The following KIFAP3 variants were observed in gnomAD, a reference collection of about 807,000 sequenced individuals.
The protein encoded by KIFAP3 is kinesin-associated protein 3.
KIFAP3 carries 68 observed loss-of-function variants against 106.5 expected under a neutral mutation model. The observed-to-expected ratio is 0.64, with a 90% confidence interval of 0.53 to 0.78. KIFAP3 has a LOEUF of 0.78. Ranked by LOEUF, KIFAP3 falls within the 30% of genes least tolerant of loss-of-function variation. KIFAP3 has a pLI of 0.00. For synonymous variants in KIFAP3, 320 were observed against 311.5 expected, an observed-to-expected ratio of 1.03 and a Z score of -0.29; for missense variants, 780 against 941.8, an observed-to-expected ratio of 0.83 and a Z score of 2.25.
At chr1:169,935,683 T>G (rs1663752204) in intron 19 of KIFAP3, among the ~76,000 whole-genome samples, 1 of 152,044 alleles carries the variant, frequency 6.6e-6, no homozygotes, top group African/African-American at 2.4e-5. Context: ...AATTCTGCCT[T>G]TCTACTCTAA....
At chr1:169,926,721 A>G (rs1371860004) in intron 19 of KIFAP3, among the ~76,000 whole-genome samples, 1 of 152,068 alleles carries the variant, frequency 6.6e-6, no homozygotes, top group Admixed American at 6.6e-5. Context: ...AATTTTACTT[A>G]TAACTACCAT....
intron 10 of KIFAP3, among the ~76,000 whole-genome samples, chr1:169,996,466 G>C (rs982884744): frequency 2.0e-5 from 3 of 152,126 alleles, no homozygotes; most frequent in Non-Finnish European, 4.4e-5. Flanking sequence ...TGTTCCTATT[G>C]CATGTTCAAC....
rs759749072 is a variant in KIFAP3, at chr1:170,035,501, A to G, written c.570T>C (p.Ser190=). The change falls in exon 6 of 20, where the codon AGT becomes AGC. Residue 190 remains serine (S), a synonymous_variant. Transcript: ENST00000361580. ...AAATTATGTTTGTAGCTAACTCGAC[A>G]CTTTGCTTCCAGTCTTCTCTCAGGA... ...ARVLREDWKQ[S]VELATNIIYI... The G allele has an allele frequency of 5.0e-6, 8 of 1,610,166 alleles. No individual in the cohort carries two copies. Among genetic ancestry groups the G allele is most frequent in the South Asian group, 1.1e-5 (1 of 90,548 alleles).
intron 17 of KIFAP3, among the ~76,000 whole-genome samples, chr1:169,968,383 T>C (rs1047181475): frequency 2.6e-5 from 4 of 152,030 alleles, no homozygotes; most frequent in South Asian, 2.1e-4. Flanking sequence ...TAACACACTA[T>C]AGGATAACAC....
At chr1:170,044,438 A>T (rs949222930) in intron 3 of KIFAP3, among the ~76,000 whole-genome samples, 3 of 152,220 alleles carry the variant, frequency 2.0e-5, no homozygotes, top group African/African-American at 7.2e-5. Flanking sequence ...CTGTGAGCAC[A>T]TCCCAGTGAT....
chr1:169,931,520 T>TA (rs1663477489), intron 19 of KIFAP3, among the ~76,000 whole-genome samples: 1 of 152,202 alleles, frequency 6.6e-6, no homozygotes, highest in Admixed American at 6.5e-5. Context: ...ATCTTTAACT[T>TA]ACATTTCTTC....
At chr1:170,055,515 T>C (rs1670796699) in intron 1 of KIFAP3, 79 bp from the exon 2 acceptor site, 2 of 1,167,396 alleles carry the variant, frequency 1.7e-6, no homozygotes, top group Non-Finnish European at 2.4e-6. Flanking sequence ...TTTAGGTCTA[T>C]AACGTGGGTT....
At chr1:170,054,180 GC>G (rs1557867413) in intron 2 of KIFAP3, among the ~76,000 whole-genome samples, 1 of 152,150 alleles carries the variant, frequency 6.6e-6, no homozygotes, top group African/African-American at 2.4e-5. Context: ...CAAATAGTGG[GC>G]AAAGGATATG....
At chr1:170,007,210 G>A (rs1167055463) in intron 10 of KIFAP3, among the ~76,000 whole-genome samples, 1 of 151,922 alleles carries the variant, frequency 6.6e-6, no homozygotes, top group African/African-American at 2.4e-5. Flanking sequence ...GGTGAAGGGT[G>A]GGAGTGACAG....
chr1:170,059,684 GAT>G (rs1557871742), intron 1 of KIFAP3, among the ~76,000 whole-genome samples: 1 of 152,052 alleles, frequency 6.6e-6, no homozygotes, highest in African/African-American at 2.4e-5. Flanking sequence ...GCATCATCCT[GAT>G]ACCAAAGCCT....
intron 15 of KIFAP3, among the ~76,000 whole-genome samples, chr1:169,980,325 A>G (rs745463668): frequency 1.2e-4 from 19 of 152,144 alleles, no homozygotes; most frequent in Non-Finnish European, 2.6e-4. Context: ...CTGAGATGAG[A>G]GTATCTTCTT....
rs906138127 is a variant in KIFAP3 at position 170,073,595 on chromosome 1, A to C, written c.32+841T>G. Among the ~76,000 whole-genome samples the C allele has an allele frequency of 2.4e-4, 36 of 152,226 alleles. 1 individual carries two copies. The highest frequency in any genetic ancestry group is 1.5e-5 in the Non-Finnish European group (1 of 68,040). ...CGCCTGTCCCATTTTCAGATGAGGA[A>C]ACCGTGCCCAAAGGAATACATGCGA... is the stretch of plus-strand genomic sequence containing the variant. On this transcript the variant is annotated intron_variant, in intron 1 of 19. Transcript: ENST00000361580.
intron 15 of KIFAP3, among the ~76,000 whole-genome samples, chr1:169,979,046 TA>T (rs1407189991): frequency 6.6e-6 from 1 of 152,058 alleles, no homozygotes; most frequent in Non-Finnish European, 1.5e-5. Flanking sequence ...TTAAAAAGAG[TA>T]TTATAAAGCC....
chr1:170,025,372 T>G (rs1045706030), intron 8 of KIFAP3, among the ~76,000 whole-genome samples: 1 of 152,142 alleles, frequency 6.6e-6, no homozygotes, highest in Admixed American at 6.5e-5. Context: ...GCTTTTATGG[T>G]CAATATAGTC....
intron 19 of KIFAP3, among the ~76,000 whole-genome samples, chr1:169,927,951 G>T (rs1200985343): frequency 6.6e-6 from 1 of 152,168 alleles, no homozygotes; most frequent in East Asian, 1.9e-4. Context: ...GAAGATAATT[G>T]TAGTAGGAAA....
At chr1:170,075,013 C>G (rs1400577728), upstream of KIFAP3, among the ~76,000 whole-genome samples, 1 of 152,188 alleles carries the variant, frequency 6.6e-6, no homozygotes, top group African/African-American at 2.4e-5. Context: ...CACTTACAAG[C>G]TCTAACTTAT....
At chr1:169,985,295 G>A (rs1482325566) in intron 11 of KIFAP3, among the ~76,000 whole-genome samples, 2 of 151,786 alleles carry the variant, frequency 1.3e-5, no homozygotes, top group African/African-American at 2.4e-5. Context: ...GAAAATATGG[G>A]GAACCAGGTA....
intron 19 of KIFAP3, among the ~76,000 whole-genome samples, chr1:169,925,324 T>C (rs918160829): frequency 2.0e-5 from 3 of 152,056 alleles, no homozygotes; most frequent in African/African-American, 7.2e-5. Context: ...TTATTGTTTA[T>C]TGTGAAAAGA....
chr1:169,971,824 G>A (rs888994256), intron 17 of KIFAP3, among the ~76,000 whole-genome samples: 2 of 152,008 alleles, frequency 1.3e-5, no homozygotes, highest in Admixed American at 6.6e-5. Context: ...CAACGTGGTT[G>A]TGCGTAGCAG....
Sources: allele counts gnomAD v4.1 joint callset (sites outside exome capture counted in the v4.1 genomes callset), GRCh38; gene constraint gnomAD v4.1.1; transcripts MANE v1.5; gene names NCBI Gene and HGNC (gene_info 2026-07-23, HGNC 2026-07-21).